EPB41L4B: variants seen among roughly 807,000 people sequenced by gnomAD.
EPB41L4B encodes band 4.1-like protein 4B.
EPB41L4B carries 30 observed loss-of-function variants against 112.5 expected under a neutral mutation model. The observed-to-expected ratio is 0.27, with a 90% CI of 0.20 to 0.36. The LOEUF (loss-of-function observed/expected upper bound fraction) is 0.36, where lower values mean the gene tolerates loss of function less well. EPB41L4B is among the 10% of genes least tolerant of loss of function. The pLI, the probability that EPB41L4B is intolerant of heterozygous loss-of-function variation, is 1.00. For missense variants in EPB41L4B, 1,024 were observed against 1,133.3 expected (o/e 0.90, Z 1.38); for synonymous variants, 408 against 439.7 (o/e 0.93, Z 0.90).
At chr9:109,268,181 T>TG (rs2119084187) in intron 3 of EPB41L4B, among the ~76,000 whole-genome samples, 1 of 152,342 alleles carries the variant, frequency 6.6e-6, no homozygotes, top group East Asian at 1.9e-4. Context: ...AGAGCACAGT[T>TG]GGTTTTTCAA....
intron 1 of EPB41L4B, among the ~76,000 whole-genome samples, chr9:109,281,722 A>AAATTAATT (rs66525536): frequency 9.0e-4 from 113 of 125,554 alleles, no homozygotes; most frequent in African/African-American, 2.9e-3. Context: ...ATAAATAAAT[A>AAATTAATT]AATTAATTAA....
intron 4 of EPB41L4B, among the ~76,000 whole-genome samples, chr9:109,266,376 C>CA (rs1353484442): frequency 2.6e-4 from 39 of 148,502 alleles, no homozygotes; most frequent in African/African-American, 5.7e-4. Flanking sequence ...ACCTTGTCTC[C>CA]AAAAAAAAAG....
intron 11 of EPB41L4B, among the ~76,000 whole-genome samples, chr9:109,253,949 T>G (rs2119018801): frequency 6.6e-6 from 1 of 152,364 alleles, no homozygotes; most frequent in Admixed American, 6.5e-5. Context: ...GGTCTCAGCT[T>G]TCTTTGCTAT....
At chr9:109,310,563 T>C (rs1837381534) in intron 1 of EPB41L4B, among the ~76,000 whole-genome samples, 1 of 152,148 alleles carries the variant, frequency 6.6e-6, no homozygotes. Flanking sequence ...ACTGCGCAAC[T>C]CAGACAAAAA....
At chr9:109,256,563 G>T in intron 7 of EPB41L4B, 83 bp from the exon 8 acceptor site, 1 of 1,171,926 alleles carries the variant, frequency 8.5e-7, no homozygotes, top group Non-Finnish European at 1.2e-6. Context: ...ACTATGGAAC[G>T]TTATGCAGCA....
intron 6 of EPB41L4B, 110 bp from the exon 7 acceptor site, chr9:109,258,407 C>T (rs1001386930): frequency 3.5e-6 from 4 of 1,152,852 alleles, no homozygotes; most frequent in Admixed American, 4.0e-5. Flanking sequence ...GCCCCCCGCC[C>T]CAATGTATAA....
At chr9:109,240,463 G>A (rs1472527329) in intron 15 of EPB41L4B, 2 of 985,142 alleles carry the variant, frequency 2.0e-6, no homozygotes, top group East Asian at 1.1e-4. Flanking sequence ...CCTAACATGG[G>A]CAAAATTACA....
chr9:109,188,781 A>G (rs974646317), intron 22 of EPB41L4B, among the ~76,000 whole-genome samples: 5 of 152,184 alleles, frequency 3.3e-5, no homozygotes, highest in African/African-American at 9.7e-5. Context: ...CTAACATGTC[A>G]TGGCCCAGAA....
At chr9:109,191,413 C>A (rs1832457078) in intron 22 of EPB41L4B, among the ~76,000 whole-genome samples, 1 of 152,136 alleles carries the variant, frequency 6.6e-6, no homozygotes, top group East Asian at 1.9e-4. Context: ...CAGGCCCATA[C>A]CCATTTCATA....
intron 1 of EPB41L4B, among the ~76,000 whole-genome samples, chr9:109,316,548 A>G (rs1267831924): frequency 6.6e-6 from 1 of 152,098 alleles, no homozygotes; most frequent in African/African-American, 2.4e-5. Flanking sequence ...CTCTGACCAG[A>G]CCACACCTGA....
rs1321096369 is a variant in EPB41L4B, at chr9:109,172,890, A to G, written c.*1664T>C. 6.6e-6 allele frequency: 1 copy of G among 152,656 alleles called. No individual in the cohort carries two copies. Among genetic ancestry groups the G allele is most frequent in the Non-Finnish European group, 1.5e-5 (1 of 68,042 alleles). 9.5% of individuals were successfully genotyped at this position (152,656 alleles called of 1,614,324 possible). On this transcript the variant is annotated 3_prime_UTR_variant, in exon 26 of 26. Transcript: ENST00000374566. ...TAGTATCAAATTATTGGCACCATTC[A>G]GTTTTAAGGAGAGGGGCAGGAGAGC...
At chr9:109,202,922 G>A (rs7026902) in intron 19 of EPB41L4B, among the ~76,000 whole-genome samples, 12,935 of 152,116 alleles carry the variant, frequency 0.085, 835 homozygotes, top group African/African-American at 0.17. Context: ...TTGGGAGGCC[G>A]GGGTGGGTGG....
At chr9:109,189,010 A>AC (rs1466275406) in intron 22 of EPB41L4B, among the ~76,000 whole-genome samples, 4 of 151,642 alleles carry the variant, frequency 2.6e-5, no homozygotes, top group African/African-American at 9.7e-5. Flanking sequence ...GCATCAATGT[A>AC]CCCTCCCCCA....
chr9:109,264,831 A>G, intron 5 of EPB41L4B, 149 bp downstream of exon 5: 1 of 557,390 alleles, frequency 1.8e-6, no homozygotes, highest in South Asian at 2.9e-5. Context: ...AATGACAGTG[A>G]TACAAGTATT....
At chr9:109,215,371 C>T (rs189050002) in intron 16 of EPB41L4B, among the ~76,000 whole-genome samples, 2,506 of 152,214 alleles carry the variant, frequency 0.016, 35 homozygotes, top group Non-Finnish European at 0.026. Flanking sequence ...CCTCCACCTC[C>T]CAGGTTCAAG....
At chr9:109,259,318 T>C (rs1835108601) in intron 6 of EPB41L4B, among the ~76,000 whole-genome samples, 1 of 152,198 alleles carries the variant, frequency 6.6e-6, no homozygotes, top group South Asian at 2.1e-4. Context: ...GGTGAGCTGG[T>C]TAAAATGCAC....
intron 11 of EPB41L4B, among the ~76,000 whole-genome samples, 189 bp from the exon 12 acceptor site, chr9:109,253,739 T>C (rs1310102203): frequency 6.6e-6 from 1 of 152,194 alleles, no homozygotes. Flanking sequence ...AAGTCCAGGC[T>C]ACAGTCCAGG....
intron 20 of EPB41L4B, among the ~76,000 whole-genome samples, chr9:109,199,956 C>T (rs569232152): frequency 6.6e-5 from 10 of 152,252 alleles, no homozygotes; most frequent in East Asian, 1.9e-4. Flanking sequence ...AGCCATGCCC[C>T]GACCCCCACT....
At chr9:109,235,030 C>G (rs750037398) in intron 15 of EPB41L4B, among the ~76,000 whole-genome samples, 21 of 152,188 alleles carry the variant, frequency 1.4e-4, no homozygotes, top group Non-Finnish European at 2.4e-4. Flanking sequence ...TTCAATTCTC[C>G]AAGCCTCTGA....
Sources: allele counts gnomAD v4.1 joint callset (sites outside exome capture counted in the v4.1 genomes callset), GRCh38; gene constraint gnomAD v4.1.1; transcripts MANE v1.5; gene names NCBI Gene and HGNC (gene_info 2026-07-23, HGNC 2026-07-21).